AGBL1: variants seen among roughly 807,000 people sequenced by gnomAD.
AGBL1 encodes the protein cytosolic carboxypeptidase 4.
Under a neutral mutation model 118.9 loss-of-function variants are expected in AGBL1, and 130 were observed. The ratio of observed to expected loss-of-function variants is 1.09; its 90% CI spans 0.95 to 1.26. AGBL1 has a LOEUF of 1.26. AGBL1 is among the 50% of genes most tolerant of loss of function. The probability of loss-of-function intolerance (pLI) is 0.00; values close to 1 mark genes in which losing one functional copy is unlikely to be tolerated. For synonymous variants in AGBL1, 555 were observed against 478.9 expected (o/e 1.16, Z -2.08); for missense variants, 1,584 against 1,298.1 (o/e 1.22, Z -3.38).
intron 24 of AGBL1, among the ~76,000 whole-genome samples, chr15:87,018,278 G>A (rs2594337): frequency 0.64 from 97,768 of 151,754 alleles, 32,108 homozygotes; most frequent in South Asian, 0.76. Flanking sequence ...CCATTAAGAT[G>A]CTCCCCCAGA....
At chr15:86,833,839 G>C (rs1329329796) in intron 22 of AGBL1, among the ~76,000 whole-genome samples, 6 of 152,074 alleles carry the variant, frequency 3.9e-5, no homozygotes, top group African/African-American at 1.4e-4. Flanking sequence ...TGCAAAAATA[G>C]AATTTACACA....
chr15:86,232,770 C>T (rs2078477137), intron 6 of AGBL1, among the ~76,000 whole-genome samples: 1 of 152,150 alleles, frequency 6.6e-6, no homozygotes, highest in Non-Finnish European at 1.5e-5. Flanking sequence ...TCTTCCTTGC[C>T]TGGTCAGGAA....
At chr15:86,086,888 A>G (rs1053207908) in intron 1 of AGBL1, among the ~76,000 whole-genome samples, 1 of 152,108 alleles carries the variant, frequency 6.6e-6, no homozygotes, top group African/African-American at 2.4e-5. Context: ...GTAGTTTCCA[A>G]TTTGGGGCTA....
intron 1 of AGBL1, among the ~76,000 whole-genome samples, chr15:86,090,002 C>T: frequency 6.6e-6 from 1 of 152,112 alleles, no homozygotes; most frequent in East Asian, 1.9e-4. Flanking sequence ...TTGTCAGGAA[C>T]CCCTCACATT....
chr15:86,812,964 A>C (rs2078811456), intron 22 of AGBL1, among the ~76,000 whole-genome samples: 1 of 152,170 alleles, frequency 6.6e-6, no homozygotes, highest in South Asian at 2.1e-4. Flanking sequence ...CAGGAAAGAA[A>C]AGGCTTTACA....
intron 18 of AGBL1, among the ~76,000 whole-genome samples, chr15:86,520,219 C>T (rs1004862840): frequency 6.6e-6 from 1 of 152,162 alleles, no homozygotes; most frequent in Non-Finnish European, 1.5e-5. Flanking sequence ...AAGATGTAGA[C>T]ATAGATACAG....
intron 22 of AGBL1, among the ~76,000 whole-genome samples, chr15:86,773,715 A>G (rs529712999): frequency 1.1e-4 from 16 of 152,146 alleles, no homozygotes; most frequent in African/African-American, 3.6e-4. Context: ...TGTGCAGAGA[A>G]GCAGAAGCCT....
intron 19 of AGBL1, among the ~76,000 whole-genome samples, chr15:86,532,764 T>G (rs1860587174): frequency 6.8e-6 from 1 of 146,742 alleles, no homozygotes; most frequent in Non-Finnish European, 1.5e-5. Context: ...AAAACAGAGA[T>G]ATAGATCAAT....
At position 86,940,060 on chromosome 15, in the gene AGBL1, C is replaced by CTTTT. The variant is rs5814267; in HGVS notation, c.3222-47902_3222-47899dup. The stretch of plus-strand genomic sequence containing the variant: ...ACAAACTCAGCTAATTTTGGTAGTC[C>CTTTT]TTTTTTTTTTTTTTTTTTTTTTTTT... On this transcript the variant is annotated intron_variant, in intron 23 of 24. Coordinates refer to the AGBL1 transcript ENST00000441037. Among the ~76,000 whole-genome samples the CTTTT allele has an allele frequency of 8.4e-5, 5 of 59,418 alleles. 1 individual carries two copies. Among genetic ancestry groups the CTTTT allele is most frequent in the African/African-American group, 2.5e-4 (4 of 16,132 alleles). The allele number at this position is 59,418 out of a possible 152,430, so 39.0% of individuals were successfully genotyped here. A position where few individuals can be genotyped will look rare whatever the true frequency, so the allele number is the denominator to read the frequency against.
chr15:86,610,089 A>G (rs945543343), intron 21 of AGBL1, among the ~76,000 whole-genome samples: 13 of 152,164 alleles, frequency 8.5e-5, no homozygotes, highest in Admixed American at 3.9e-4. Flanking sequence ...AGGGGCAAAA[A>G]CATTGTTTTC....
chr15:86,115,699 G>A (rs1020427290), intron 1 of AGBL1, among the ~76,000 whole-genome samples: 4 of 152,116 alleles, frequency 2.6e-5, no homozygotes, highest in African/African-American at 4.8e-5. Context: ...AAAGCTCAAG[G>A]CTATCTCTCG....
chr15:86,703,643 G>A (rs1281293556), intron 22 of AGBL1, among the ~76,000 whole-genome samples: 1 of 152,002 alleles, frequency 6.6e-6, no homozygotes, highest in Non-Finnish European at 1.5e-5. Flanking sequence ...ACTGAATCAT[G>A]GGGATGGTTT....
intron 24 of AGBL1, among the ~76,000 whole-genome samples, chr15:87,022,220 C>G (rs2081672342): frequency 6.6e-6 from 1 of 152,004 alleles, no homozygotes; most frequent in African/African-American, 2.4e-5. Flanking sequence ...TGAGAAGGAA[C>G]CAGAAAACCA....
At chr15:87,002,982 C>G (rs1041479930) in intron 24 of AGBL1, among the ~76,000 whole-genome samples, 4 of 152,156 alleles carry the variant, frequency 2.6e-5, no homozygotes, top group Non-Finnish European at 4.4e-5. Flanking sequence ...TTTCCCCTGA[C>G]TGATTGCCCT....
At chr15:86,312,524 T>A (rs1227954382) in intron 17 of AGBL1, 1 of 152,264 alleles carries the variant, frequency 6.6e-6, no homozygotes, top group Admixed American at 6.5e-5. Context: ...TAAGCAACTG[T>A]GCGCATTGTT....
At chr15:86,986,476 G>C (rs574775937) in intron 23 of AGBL1, among the ~76,000 whole-genome samples, 240 of 152,096 alleles carry the variant, frequency 1.6e-3, no homozygotes, top group African/African-American at 5.5e-3. Context: ...CAAACTTGTA[G>C]TCATTGTATA....
At chr15:86,378,900 G>GTTTTTTT (rs113439108) in intron 17 of AGBL1, among the ~76,000 whole-genome samples, 1 of 144,112 alleles carries the variant, frequency 6.9e-6, no homozygotes. Context: ...GATCACTTTA[G>GTTTTTTT]TTTTTTTTTT....
intron 22 of AGBL1, among the ~76,000 whole-genome samples, chr15:86,717,297 T>A (rs1262251206): frequency 2.0e-5 from 3 of 152,180 alleles, no homozygotes; most frequent in Non-Finnish European, 4.4e-5. Flanking sequence ...AAAATTCATA[T>A]ATCAGGGGCA....
At chr15:86,262,051 T>G (rs771256129) in intron 9 of AGBL1, among the ~76,000 whole-genome samples, 2 of 146,666 alleles carry the variant, frequency 1.4e-5, no homozygotes, top group African/African-American at 2.5e-5. Flanking sequence ...CTGCTAATAA[T>G]TCACTGCTAG....
Sources: allele counts gnomAD v4.1 joint callset (sites outside exome capture counted in the v4.1 genomes callset), GRCh38; gene constraint gnomAD v4.1.1; transcripts MANE v1.5; gene names NCBI Gene and HGNC (gene_info 2026-07-23, HGNC 2026-07-21).